Variants in KIF9 observed in about 807,000 individuals in gnomAD.
The protein encoded by KIF9 is kinesin-like protein KIF9.
Under a neutral mutation model 94.8 loss-of-function variants are expected in KIF9, and 68 were observed. That is an observed-to-expected ratio of 0.72 (90% CI 0.59 to 0.88). The LOEUF is 0.88. Among genes scored for constraint, KIF9 ranks in the 40% least tolerant of loss-of-function variants. The pLI is 0.00. For synonymous variants in KIF9, 343 were observed against 362.1 expected (o/e 0.95, Z 0.60); for missense variants, 882 against 982.5 (o/e 0.90, Z 1.37).
chr3:47,231,404 C>CTTTTT (rs34079988), intron 20 of KIF9, among the ~76,000 whole-genome samples: 1 of 79,808 alleles, frequency 1.3e-5, no homozygotes, highest in African/African-American at 5.6e-5. Flanking sequence ...TCAGTATCTA[C>CTTTTT]TTTTTTTTTT....
At chr3:47,239,322 A>T (rs1255751732) in intron 17 of KIF9, among the ~76,000 whole-genome samples, 1 of 152,218 alleles carries the variant, frequency 6.6e-6, no homozygotes, top group Non-Finnish European at 1.5e-5. Flanking sequence ...TTAAATATGT[A>T]ATAAGGGGCT....
chr3:47,265,612 G>T, intron 8 of KIF9, 118 bp downstream of exon 8: 1 of 1,059,680 alleles, frequency 9.4e-7, no homozygotes, highest in Non-Finnish European at 1.4e-6. Context: ...ATGTGCTGCA[G>T]GTGAATCCAT....
At chr3:47,235,367 G>T in intron 20 of KIF9, 146 bp downstream of exon 20, 1 of 647,224 alleles carries the variant, frequency 1.5e-6, no homozygotes, top group Non-Finnish European at 2.7e-6. Flanking sequence ...CAGTCTAGTT[G>T]GCAGAAGACA....
At chr3:47,280,932 C>T in intron 1 of KIF9, 1 of 703,068 alleles carries the variant, frequency 1.4e-6, no homozygotes, top group Non-Finnish European at 2.6e-6. Context: ...TTTAGGGACC[C>T]CATGCCATCT....
Position 47,236,705 on chromosome 3 carries a change from G to A in KIF9, c.1925-86C>T, listed in dbSNP as rs967075490. 1.9e-5 allele frequency: 24 copies of A among 1,247,246 alleles called. No individual in the cohort carries two copies. In the African/African-American group the frequency reaches 3.4e-4, roughly 18 times the overall value. The allele number at this position is 1,247,246 out of a possible 1,614,324, so 77.3% of individuals were successfully genotyped here. ...AGGGATTCCAGAAGGTGGGCACAGA[G>A]CTGGCAAATCATGAAGACAGGAGAC... On this transcript the variant is annotated intron_variant, in intron 17 of 20. Coordinates refer to ENST00000684063, the MANE Select transcript of KIF9 (RefSeq NM_182902.4).
At chr3:47,262,444 G>A (rs1435524444) in intron 9 of KIF9, among the ~76,000 whole-genome samples, 1 of 151,744 alleles carries the variant, frequency 6.6e-6, no homozygotes, top group African/African-American at 2.4e-5. Context: ...TAATTTTTAT[G>A]TTTTTACTAG....
intron 1 of KIF9, among the ~76,000 whole-genome samples, chr3:47,279,972 TCAGA>T (rs1702227614): frequency 6.6e-6 from 1 of 152,182 alleles, no homozygotes; most frequent in Non-Finnish European, 1.5e-5. Flanking sequence ...GACATTTATT[TCAGA>T]CAGAGTCTCG....
intron 17 of KIF9, chr3:47,239,781 C>A: frequency 1.5e-6 from 2 of 1,360,188 alleles, no homozygotes; most frequent in Non-Finnish European, 2.0e-6. Flanking sequence ...GTAAAATGCA[C>A]CCCCTGTGAG....
Position 47,275,516 on chromosome 3 carries a change from A to G in KIF9, c.94-26T>C, listed in dbSNP as rs1012607321. On this transcript the variant is annotated intron_variant, in intron 2 of 20. Transcript: ENST00000684063. ...CTAGGAAAAAAGAGTGAGAAAGAAAAAAATGTTATTTGTTCAAAAATGGGT... is the reference window on the plus strand; with the variant it reads ...CTAGGAAAAAAGAGTGAGAAAGAAAGAAATGTTATTTGTTCAAAAATGGGT... 3 of 1,575,046 alleles carry G rather than the reference A, an allele frequency of 1.9e-6. No individual in the cohort carries two copies. The African/African-American group carries it at 4.1e-5, about 22-fold the overall frequency.
chr3:47,278,484 C>T (rs1017026260), intron 1 of KIF9, among the ~76,000 whole-genome samples: 2 of 152,162 alleles, frequency 1.3e-5, no homozygotes, highest in Non-Finnish European at 2.9e-5. Flanking sequence ...ATTCTCCCAT[C>T]TCAACCTTCC....
intron 10 of KIF9, among the ~76,000 whole-genome samples, chr3:47,256,515 A>G (rs1362365965): frequency 6.9e-6 from 1 of 144,352 alleles, no homozygotes; most frequent in African/African-American, 2.6e-5. Flanking sequence ...TCTGGGAGGG[A>G]GGTGGGGGGG....
At chr3:47,252,327 G>A (rs1442180618) in intron 10 of KIF9, among the ~76,000 whole-genome samples, 1 of 152,112 alleles carries the variant, frequency 6.6e-6, no homozygotes, top group African/African-American at 2.4e-5. Flanking sequence ...CACCAGGCGT[G>A]GTGGCTCACA....
At chr3:47,241,975 C>G (rs1699598585) in intron 16 of KIF9, among the ~76,000 whole-genome samples, 1 of 150,288 alleles carries the variant, frequency 6.7e-6, no homozygotes, top group Admixed American at 6.7e-5. Flanking sequence ...CCTCGAGCTC[C>G]TGGGCTCAAT....
At chr3:47,241,314 A>G (rs1699462579) in intron 16 of KIF9, among the ~76,000 whole-genome samples, 1 of 151,138 alleles carries the variant, frequency 6.6e-6, no homozygotes, top group Non-Finnish European at 1.5e-5. Flanking sequence ...TTCCTTCTGT[A>G]TTTCTTTCTT....
chr3:47,272,437 T>C (rs1701707609), intron 4 of KIF9, among the ~76,000 whole-genome samples: 1 of 152,232 alleles, frequency 6.6e-6, no homozygotes, highest in Non-Finnish European at 1.5e-5. Context: ...ACTTTAAGTA[T>C]GTCTGGAACA....
chr3:47,235,035 A>G (rs1246608467), intron 20 of KIF9, among the ~76,000 whole-genome samples: 1 of 152,204 alleles, frequency 6.6e-6, no homozygotes, highest in Non-Finnish European at 1.5e-5. Flanking sequence ...TGCAGTGCAC[A>G]GGGCCCTCTG....
chr3:47,266,540 G>A (rs1158832470), intron 7 of KIF9, among the ~76,000 whole-genome samples: 1 of 152,158 alleles, frequency 6.6e-6, no homozygotes, highest in Admixed American at 6.6e-5. Flanking sequence ...AGATACTTGA[G>A]ACACTGAAGT....
Position 47,240,899 on chromosome 3 carries a change from C to G in KIF9, c.1826G>C (p.Arg609Thr). The change falls in exon 17 of 21, where the codon AGG becomes ACG. Residue 609 changes from arginine (R) to threonine (T), a missense_variant. By Grantham distance (71) the Arg-to-Thr change is moderately conservative (BLOSUM62 -1). Transcript: ENST00000684063. The stretch of plus-strand genomic sequence containing the variant: ...GATGTGCTGTGTGGTCTCGCTGGCC[C>G]TTTTCCTCCGTTCATTCAAGATGGA... ...NKSILNERRKRASETTQHINA... is the reference protein window; with the variant it reads ...NKSILNERRKTASETTQHINA... 6.2e-7 allele frequency: 1 copy of G among 1,614,212 alleles called. No homozygotes were observed. The highest frequency in any genetic ancestry group is 2.2e-5 in the East Asian group (1 of 44,896).
In KIF9 at chr3:47,267,112, T is replaced by C. The variant is rs766071130; in HGVS notation, c.676-44A>G. 2.5e-6 allele frequency: 4 copies of C among 1,605,862 alleles called. No homozygotes were observed. In the Admixed American group the frequency reaches 5.0e-5, roughly 20 times the overall value. ...GAAGTTAGACTGTCACAGGGAGAAG[T>C]TTCTGACTGAGCAGGCCCCGTGGGA... On this transcript the variant is annotated intron_variant, in intron 6 of 20. Transcript: ENST00000684063.
Sources: allele counts gnomAD v4.1 joint callset (sites outside exome capture counted in the v4.1 genomes callset), GRCh38; gene constraint gnomAD v4.1.1; transcripts MANE v1.5; gene names NCBI Gene and HGNC (gene_info 2026-07-23, HGNC 2026-07-21).